COMMD10: variants seen among roughly 807,000 people sequenced by gnomAD.
The protein encoded by COMMD10 is COMM domain containing 10.
Under a neutral mutation model 28.9 loss-of-function variants are expected in COMMD10, and 33 were observed. That is an observed-to-expected ratio of 1.14 (90% confidence interval 0.87 to 1.53). The LOEUF (loss-of-function observed/expected upper bound fraction) is 1.53, where lower values mean the gene tolerates loss of function less well. COMMD10 is among the 40% of genes most tolerant of loss of function. The probability of loss-of-function intolerance (pLI) is 0.00; values close to 1 mark genes in which losing one functional copy is unlikely to be tolerated. For synonymous variants in COMMD10, 110 were observed against 81.7 expected (o/e 1.35, Z -1.87); for missense variants, 310 against 233.4 (o/e 1.33, Z -2.14).
chr5:116,194,380 G>A (rs906750676), intron 5 of COMMD10, among the ~76,000 whole-genome samples: 2 of 152,044 alleles, frequency 1.3e-5, no homozygotes, highest in African/African-American at 4.8e-5. Flanking sequence ...GAAACAAAAA[G>A]CTGATTCTTT....
intron 5 of COMMD10, among the ~76,000 whole-genome samples, chr5:116,202,673 A>G (rs1412878991): frequency 2.6e-5 from 4 of 151,942 alleles, no homozygotes; most frequent in Non-Finnish European, 4.4e-5. Context: ...TTTTGGCTGC[A>G]TCAGTGTCTT....
chr5:116,284,544 G>A (rs1169614928), intron 5 of COMMD10, among the ~76,000 whole-genome samples: 1 of 151,582 alleles, frequency 6.6e-6, no homozygotes. Context: ...TGACTCTGAG[G>A]AAAAAAATAG....
intron 5 of COMMD10, among the ~76,000 whole-genome samples, chr5:116,277,280 C>G (rs1341680422): frequency 6.6e-6 from 1 of 151,746 alleles, no homozygotes; most frequent in Non-Finnish European, 1.5e-5. Context: ...TCATTTAAAC[C>G]ATGTACTTTT....
chr5:116,115,903 C>G (rs1028015437), intron 4 of COMMD10, among the ~76,000 whole-genome samples: 1 of 152,098 alleles, frequency 6.6e-6, no homozygotes, highest in East Asian at 1.9e-4. Flanking sequence ...TTAAAGCATG[C>G]ATTTATTGAC....
At chr5:116,092,967 C>T (rs1276284061) in intron 4 of COMMD10, among the ~76,000 whole-genome samples, 1 of 152,162 alleles carries the variant, frequency 6.6e-6, no homozygotes, top group Non-Finnish European at 1.5e-5. Flanking sequence ...CGCTCGCTGC[C>T]ATTGCCCAGC....
chr5:116,175,336 G>A (rs570793743), intron 5 of COMMD10, among the ~76,000 whole-genome samples: 38 of 152,120 alleles, frequency 2.5e-4, no homozygotes, highest in African/African-American at 8.9e-4. Context: ...ATGAATAGAT[G>A]GTTTTAAGTA....
chr5:116,186,496 C>G (rs1374603479), intron 5 of COMMD10, among the ~76,000 whole-genome samples: 1 of 152,156 alleles, frequency 6.6e-6, no homozygotes, highest in Non-Finnish European at 1.5e-5. Flanking sequence ...CTGCCTTCCT[C>G]AACTCCTCCC....
chr5:116,208,010 C>G (rs957686360), intron 5 of COMMD10, among the ~76,000 whole-genome samples: 9 of 152,100 alleles, frequency 5.9e-5, no homozygotes, highest in African/African-American at 2.2e-4. Context: ...ACATGGGCTC[C>G]TGAATTGCAA....
intron 5 of COMMD10, among the ~76,000 whole-genome samples, chr5:116,282,206 T>G (rs1245057706): frequency 9.2e-5 from 14 of 151,838 alleles, no homozygotes. Context: ...GTTTTATTTT[T>G]TCACTACCCT....
intron 5 of COMMD10, among the ~76,000 whole-genome samples, chr5:116,165,335 G>A (rs1418556430): frequency 6.6e-6 from 1 of 152,112 alleles, no homozygotes; most frequent in African/African-American, 2.4e-5. Context: ...TATTTAAGGA[G>A]TATTTTTGGT....
At chr5:116,264,297 C>T (rs78891685) in intron 5 of COMMD10, among the ~76,000 whole-genome samples, 2,244 of 151,772 alleles carry the variant, frequency 0.015, 88 homozygotes, top group African/African-American at 0.047. Context: ...GGTCAAATTT[C>T]GAATATACGT....
At chr5:116,268,673 A>G (rs1299390810) in intron 5 of COMMD10, among the ~76,000 whole-genome samples, 4 of 151,868 alleles carry the variant, frequency 2.6e-5, no homozygotes, top group Admixed American at 1.3e-4. Context: ...CACTATTCAC[A>G]ATAGCAAAGA....
chr5:116,181,266 A>T (rs1747949415), intron 5 of COMMD10, among the ~76,000 whole-genome samples: 1 of 152,004 alleles, frequency 6.6e-6, no homozygotes, highest in Non-Finnish European at 1.5e-5. Context: ...TAGTATGTGA[A>T]TGTATGGTCA....
intron 4 of COMMD10, among the ~76,000 whole-genome samples, chr5:116,125,817 T>C (rs1467182181): frequency 6.6e-6 from 1 of 152,146 alleles, no homozygotes; most frequent in Non-Finnish European, 1.5e-5. Flanking sequence ...ACTGATACCC[T>C]TTCATACTGA....
intron 4 of COMMD10, among the ~76,000 whole-genome samples, chr5:116,126,712 G>T (rs1751658212): frequency 6.6e-6 from 1 of 152,142 alleles, no homozygotes; most frequent in Admixed American, 6.5e-5. Context: ...TGGGAAAACA[G>T]GCTAGCCATA....
rs113728590 is a variant in COMMD10, at chr5:116,182,355, G to A, written c.510+48177G>A. 2.0e-3 allele frequency among the ~76,000 whole-genome samples: 306 copies of A among 151,900 alleles called. 3 individuals are homozygous for A. Among genetic ancestry groups the A allele is most frequent in the African/African-American group, 6.9e-3 (287 of 41,440 alleles). On this transcript the variant is annotated intron_variant, in intron 5 of 6. Coordinates refer to ENST00000274458, the MANE Select transcript of COMMD10 (RefSeq NM_016144.4). Reference sequence around the variant, plus strand: ...GAGAAATTAAGAACAATAGGTTTCCGATTTATGTAAATTAATTAATGGTAG... The same window carrying A: ...GAGAAATTAAGAACAATAGGTTTCCAATTTATGTAAATTAATTAATGGTAG...
chr5:116,151,606 A>C (rs1752531886), intron 5 of COMMD10, among the ~76,000 whole-genome samples: 1 of 152,118 alleles, frequency 6.6e-6, no homozygotes, highest in Non-Finnish European at 1.5e-5. Context: ...GTGTCGAGGA[A>C]TTTATCCATT....
chr5:116,148,836 GT>G (rs1054209368), intron 5 of COMMD10, among the ~76,000 whole-genome samples: 24 of 149,004 alleles, frequency 1.6e-4, no homozygotes, highest in Admixed American at 6.6e-4. Flanking sequence ...ATTTGTATTT[GT>G]TTTTTTGTAT....
At chr5:116,117,718 G>C (rs775533558) in intron 4 of COMMD10, among the ~76,000 whole-genome samples, 2 of 151,942 alleles carry the variant, frequency 1.3e-5, no homozygotes, top group African/African-American at 2.4e-5. Context: ...TGCCCGCCTT[G>C]GCCTCCCAAA....
Sources: allele counts gnomAD v4.1 joint callset (sites outside exome capture counted in the v4.1 genomes callset), GRCh38; gene constraint gnomAD v4.1.1; transcripts MANE v1.5; gene names NCBI Gene and HGNC (gene_info 2026-07-23, HGNC 2026-07-21).